Variants in BLTP1 observed in about 807,000 individuals in gnomAD.
BLTP1 encodes the protein fragile site-associated protein.
At chr4:122,300,857 G>A in the BLTP1 span, 1 of 910,316 alleles carries the variant, frequency 1.1e-6, no homozygotes, top group African/African-American at 1.8e-5. Flanking sequence ...AAGAGAAGTG[G>A]AAACAGAAGT....
chr4:122,229,338 A>C, the BLTP1 span: 4 of 884,180 alleles, frequency 4.5e-6, no homozygotes, highest in Non-Finnish European at 6.5e-6. Context: ...TTGTCATCTC[A>C]CAGACAGCCA....
At chr4:122,304,700 GACT>G in the BLTP1 span, 1 of 1,501,792 alleles carries the variant, frequency 6.7e-7, no homozygotes, top group East Asian at 2.3e-5. Context: ...TTTAAAACAC[GACT>G]ATTTTATTTA....
chr4:122,229,910 A>G, the BLTP1 span: 6 of 1,595,618 alleles, frequency 3.8e-6, no homozygotes, highest in East Asian at 1.1e-4. Context: ...CTTTTGTTTC[A>G]TTTTCTTCAT....
At chr4:122,338,808 G>A in the BLTP1 span, among the ~76,000 whole-genome samples, 2 of 152,138 alleles carry the variant, frequency 1.3e-5, no homozygotes, top group African/African-American at 4.8e-5. Flanking sequence ...CAAACCTGTG[G>A]TGTTCAAGGG....
At chr4:122,217,354 T>A in the BLTP1 span, among the ~76,000 whole-genome samples, 3 of 152,002 alleles carry the variant, frequency 2.0e-5, no homozygotes, top group African/African-American at 7.3e-5. Flanking sequence ...TTTGGTTCCA[T>A]ATGAATTTTA....
chr4:122,231,681 T>G, the BLTP1 span: 1 of 969,396 alleles, frequency 1.0e-6, no homozygotes, highest in Middle Eastern at 5.3e-4. Context: ...CTTTTCCTTT[T>G]TCTTGTTAAC....
At chr4:122,214,558 A>G in the BLTP1 span, 2 of 947,434 alleles carry the variant, frequency 2.1e-6, no homozygotes. Context: ...ATGTATTACC[A>G]TCTACCTTAC....
chr4:122,223,845 G>C, the BLTP1 span: 1 of 257,510 alleles, frequency 3.9e-6, no homozygotes, highest in Non-Finnish European at 6.1e-6. Context: ...TGATCAGTAG[G>C]GCATTCCCAA....
chr4:122,168,777 C>T, the BLTP1 span, among the ~76,000 whole-genome samples: 4 of 152,114 alleles, frequency 2.6e-5, no homozygotes, highest in Admixed American at 1.3e-4. Context: ...CTAGCTCCTG[C>T]GTTTAGGTTT....
At chr4:122,313,311 C>A in the BLTP1 span, among the ~76,000 whole-genome samples, 4 of 152,056 alleles carry the variant, frequency 2.6e-5, no homozygotes, top group African/African-American at 9.7e-5. Context: ...AGTAGATAAG[C>A]CATCTAGAGT....
the BLTP1 span, chr4:122,239,974 G>C: frequency 1.2e-6 from 2 of 1,614,134 alleles, no homozygotes; most frequent in Non-Finnish European, 1.7e-6. Flanking sequence ...TACAGTAGGG[G>C]TTCCATATAT....
chr4:122,308,756 T>C, the BLTP1 span, among the ~76,000 whole-genome samples: 5 of 152,254 alleles, frequency 3.3e-5, 1 homozygote, highest in Middle Eastern at 0.017. Flanking sequence ...GCAACAGTTA[T>C]TAACAATAGC....
chr4:122,328,590 C>T, the BLTP1 span: 2 of 921,842 alleles, frequency 2.2e-6, no homozygotes, highest in Non-Finnish European at 2.6e-6. Context: ...TTCATGTCAC[C>T]TAAGTTTAAT....
chr4:122,350,156 T>C, the BLTP1 span: 6 of 1,481,356 alleles, frequency 4.1e-6, no homozygotes, highest in Non-Finnish European at 5.4e-6. Flanking sequence ...AATAATAATC[T>C]GTATGCCCCA....
the BLTP1 span, chr4:122,301,364 A>G: frequency 6.2e-7 from 1 of 1,601,324 alleles, no homozygotes; most frequent in Admixed American, 1.7e-5. Context: ...ATAAACCTAA[A>G]ATTCTCCTCT....
the BLTP1 span, chr4:122,189,560 T>C: frequency 2.6e-6 from 2 of 759,676 alleles, no homozygotes; most frequent in Non-Finnish European, 3.2e-6. Flanking sequence ...ATGATACTTA[T>C]TAGTTATTAA....
the BLTP1 span, chr4:122,189,525 A>G: frequency 3.8e-6 from 3 of 797,858 alleles, no homozygotes; most frequent in South Asian, 1.7e-4. Context: ...TTGAATGATT[A>G]TAGTTTAATA....
chr4:122,201,129 A>G, the BLTP1 span: 3 of 1,602,552 alleles, frequency 1.9e-6, no homozygotes, highest in Admixed American at 5.2e-5. Flanking sequence ...CTTTACAGGT[A>G]ATTTTCTAAT....
the BLTP1 span, chr4:122,287,487 A>G: frequency 1.5e-6 from 1 of 673,664 alleles, no homozygotes; most frequent in Non-Finnish European, 1.8e-6. Flanking sequence ...CTATCAACTG[A>G]GAGAGGCAGG....
Sources: allele counts gnomAD v4.1 joint callset (sites outside exome capture counted in the v4.1 genomes callset), GRCh38; gene constraint gnomAD v4.1.1; transcripts MANE v1.5; gene names NCBI Gene and HGNC (gene_info 2026-07-23, HGNC 2026-07-21).